AFF4: variants seen among roughly 807,000 people sequenced by gnomAD.
The protein encoded by AFF4 is ALF transcription elongation factor 4.
Under a neutral mutation model 124.8 loss-of-function variants are expected in AFF4, and 13 were observed. The ratio of observed to expected loss-of-function variants is 0.10; its 90% CI spans 0.07 to 0.17. The LOEUF is 0.17. Ranked by LOEUF, AFF4 falls within the 10% of genes least tolerant of loss-of-function variation. The pLI is 1.00. For synonymous variants in AFF4, 477 were observed against 496.1 expected, an observed-to-expected ratio of 0.96 and a Z score of 0.51; for missense variants, 1,092 against 1,403.8, an observed-to-expected ratio of 0.78 and a Z score of 3.55.
chr5:132,910,764 G>A (rs1002835304), intron 5 of AFF4, among the ~76,000 whole-genome samples: 1 of 152,140 alleles, frequency 6.6e-6, no homozygotes, highest in Non-Finnish European at 1.5e-5. Context: ...CAGCTACTTT[G>A]TGCCAGAACT....
In AFF4 at chr5:132,876,098, T is replaced by C. The variant is rs1039861676; in HGVS notation, c.*4961A>G. 7 of 229,514 alleles carry C rather than the reference T, an allele frequency of 3.0e-5. No individual in the cohort carries two copies. Among genetic ancestry groups the C allele is most frequent in the East Asian group, 6.2e-5 (1 of 16,114 alleles). 14.2% of individuals were successfully genotyped at this position (229,514 alleles called of 1,614,324 possible). Reference sequence around the variant, plus strand: ...AAAACCATTCAAAACGGAGGCTAGATAGAAATTTTCATAACTGTGCTTACC... The same window carrying C: ...AAAACCATTCAAAACGGAGGCTAGACAGAAATTTTCATAACTGTGCTTACC... On this transcript the variant is annotated 3_prime_UTR_variant, in exon 21 of 21. Transcript: ENST00000265343.
intron 13 of AFF4, among the ~76,000 whole-genome samples, chr5:132,891,169 TAA>T (rs1561481801): frequency 6.6e-6 from 1 of 151,930 alleles, no homozygotes; most frequent in African/African-American, 2.4e-5. Context: ...CAGGCCAATA[TAA>T]AAGTCAAGGT....
chr5:132,898,119 G>T, intron 10 of AFF4, 111 bp downstream of exon 10: 1 of 1,349,364 alleles, frequency 7.4e-7, no homozygotes, highest in Non-Finnish European at 1.0e-6. Context: ...CTTTTTGTCA[G>T]ACTATGGAAC....
chr5:132,954,018 G>A (rs1761897833), intron 1 of AFF4, among the ~76,000 whole-genome samples: 1 of 152,090 alleles, frequency 6.6e-6, no homozygotes, highest in African/African-American at 2.4e-5. Context: ...TACTTGATCT[G>A]ACTCTTGTCT....
intron 5 of AFF4, among the ~76,000 whole-genome samples, chr5:132,912,854 AACACAC>A (rs71221402): frequency 3.5e-4 from 52 of 146,738 alleles, no homozygotes; most frequent in African/African-American, 5.2e-4. Flanking sequence ...ACACACACAC[AACACAC>A]ACACACACAC....
chr5:132,911,568 A>G (rs1409317858), intron 5 of AFF4, among the ~76,000 whole-genome samples: 3 of 152,026 alleles, frequency 2.0e-5, no homozygotes, highest in Non-Finnish European at 2.9e-5. Context: ...AAAAAAAGAA[A>G]AAAAAAGAAA....
Position 132,897,166 on chromosome 5 carries a change from G to A in AFF4, c.1464C>T (p.Pro488=), listed in dbSNP as rs758501043. The change falls in exon 11 of 21, where the codon CCC becomes CCT. Residue 488 remains proline (P), a synonymous_variant. Coordinates refer to ENST00000265343, the MANE Select transcript of AFF4 (RefSeq NM_014423.4). ...GGATGTTACTGTCCACTGAAGAGGC[G>A]GGTGACACTTTATGTGGGTTCACTT... ...LNKVNPHKVS[P]ASSVDSNIPS... is the part of the protein sequence containing the mutation. The A allele has an allele frequency of 9.3e-6, 15 of 1,614,046 alleles. No homozygotes were observed. Among genetic ancestry groups the A allele is most frequent in the African/African-American group, 1.3e-5 (1 of 74,912 alleles).
intron 5 of AFF4, among the ~76,000 whole-genome samples, chr5:132,925,425 A>AT (rs1761148907): frequency 6.6e-6 from 1 of 152,176 alleles, no homozygotes; most frequent in South Asian, 2.1e-4. Flanking sequence ...AGCAAAAACT[A>AT]TAAAGGAAGA....
At position 132,892,201 on chromosome 5, in the gene AFF4, G is replaced by T. The variant is rs199608965; in HGVS notation, c.2600C>A (p.Thr867Asn). The part of the protein sequence containing the change: ...NSSSTSKQKK[T>N]EGKTSSSSKE... ...GGAGCTACTGGAAGTCTTCCCTTCG[G>T]TCTTCTTCTGCTTTGATGTGGAGGA... Residue 867 changes from threonine to asparagine, a missense_variant, in exon 13 of 21, where the codon ACC becomes AAC. This residue lies in a region of AFF4 where 293 missense variants were observed against 280.2 expected (regional missense o/e 1.05). Coordinates refer to ENST00000265343, the MANE Select transcript of AFF4 (RefSeq NM_014423.4). The T allele has an allele frequency of 3.7e-6, 6 of 1,614,040 alleles. No individual in the cohort carries two copies. The East Asian group carries it at 8.9e-5, about 24-fold the overall frequency.
At chr5:132,917,706 T>TTTTCTTTTC in intron 5 of AFF4, among the ~76,000 whole-genome samples, 1 of 46,472 alleles carries the variant, frequency 2.2e-5, no homozygotes, top group East Asian at 5.3e-4. Context: ...TTTTCTTTTC[T>TTTTCTTTTC]TTTTTTTTTT....
Position 132,904,391 on chromosome 5 carries a change from G to A in AFF4, c.1064C>T (p.Ser355Phe), listed in dbSNP as rs751075439. The change falls in exon 6 of 21, where the codon TCC becomes TTC. Residue 355 changes from serine to phenylalanine, a missense_variant. Ser to Phe is a radical substitution (Grantham distance 155). Around this residue, in one of 11 missense-constraint regions of AFF4, gnomAD observed 148 missense variants for 196.3 expected, o/e 0.75. Coordinates refer to ENST00000265343, the MANE Select transcript of AFF4 (RefSeq NM_014423.4). Reference protein sequence around the residue: ...FPFPTKESQQSNFGTGEQKRY... With the variant: ...FPFPTKESQQFNFGTGEQKRY... ...ACTTTGTTCTCCAGTGCCAAAATTGGACTGCTGAGACTCCTAAGAAAAAGG... is the reference window on the plus strand; with the variant it reads ...ACTTTGTTCTCCAGTGCCAAAATTGAACTGCTGAGACTCCTAAGAAAAAGG... 3.7e-6 allele frequency: 6 copies of A among 1,610,314 alleles called. No homozygotes were observed. The highest frequency in any genetic ancestry group is 5.1e-6 in the Non-Finnish European group (6 of 1,178,488).
At chr5:132,925,888 T>G (rs1182627846) in intron 5 of AFF4, among the ~76,000 whole-genome samples, 2 of 152,184 alleles carry the variant, frequency 1.3e-5, no homozygotes, top group Non-Finnish European at 2.9e-5. Flanking sequence ...CAATTCTACT[T>G]TTTGCTTTCT....
intron 5 of AFF4, among the ~76,000 whole-genome samples, chr5:132,917,986 G>A (rs1385153274): frequency 2.0e-5 from 3 of 151,012 alleles, no homozygotes; most frequent in African/African-American, 7.3e-5. Flanking sequence ...CCAAAGTGCT[G>A]GGATTACAGG....
intron 16 of AFF4, 58 bp from the exon 17 acceptor site, chr5:132,887,650 A>G (rs1332869785): frequency 4.5e-6 from 7 of 1,550,308 alleles, no homozygotes; most frequent in African/African-American, 1.4e-5. Context: ...TGATCTTATG[A>G]TTTCACTTGT....
intron 11 of AFF4, among the ~76,000 whole-genome samples, chr5:132,895,604 TA>T (rs2150071801): frequency 6.6e-6 from 1 of 152,370 alleles, no homozygotes; most frequent in Non-Finnish European, 1.5e-5. Flanking sequence ...CTTAAAACTT[TA>T]CATTCTCCTG....
chr5:132,924,495 G>GGTGA (rs1761124313), intron 5 of AFF4, among the ~76,000 whole-genome samples: 2 of 152,124 alleles, frequency 1.3e-5, no homozygotes. Flanking sequence ...GAAATTTGGG[G>GGTGA]GTGATGGAAA....
chr5:132,896,708 C>T lies in AFF4; in HGVS notation c.1922G>A (p.Arg641Lys), dbSNP rs1760410131. 1 of 1,614,112 alleles carries T rather than the reference C, an allele frequency of 6.2e-7. No homozygotes were observed. Among genetic ancestry groups the T allele is most frequent in the Non-Finnish European group, 8.5e-7 (1 of 1,180,020 alleles). ...KSTSKSSQKS[R>K]EIIETDTSSS... ...TGAGGTATCTGTTTCTATGATTTCC[C>T]TTGATTTCTGGGAAGATTTACTTGT... Residue 641 changes from arginine to lysine, a missense_variant, in exon 11 of 21, where the codon AGG becomes AAG. Arg to Lys is a conservative substitution (Grantham distance 26, BLOSUM62 2). Transcript: ENST00000265343.
At chr5:132,915,487 G>T (rs1287931245) in intron 5 of AFF4, among the ~76,000 whole-genome samples, 1 of 151,804 alleles carries the variant, frequency 6.6e-6, no homozygotes, top group Non-Finnish European at 1.5e-5. Flanking sequence ...ACCCTCACAG[G>T]GTTAAACAGA....
At chr5:132,897,905 TA>T (rs1227199191) in intron 10 of AFF4, among the ~76,000 whole-genome samples, 3 of 152,174 alleles carry the variant, frequency 2.0e-5, no homozygotes. Context: ...TTGTATTACA[TA>T]AGACTCTTTT....
Sources: gnomAD v4.1 joint callset for allele counts (sites outside exome capture counted in the v4.1 genomes callset) on GRCh38, gnomAD v4.1.1 for gene constraint, gnomAD v4.1.1 regional missense constraint, MANE v1.5 for transcripts, NCBI Gene and HGNC (gene_info 2026-07-23, HGNC 2026-07-21) for gene names.